The following NBAS variants were observed in gnomAD, a reference collection of about 807,000 sequenced individuals.
NBAS encodes NAG/BC035112 fusion.
In NBAS, 219 loss-of-function variants were observed where a neutral mutation model predicts 302.5. The observed-to-expected ratio is 0.72, with a 90% CI of 0.65 to 0.81. The LOEUF is 0.81. Among genes scored for constraint, NBAS ranks in the 30% least tolerant of loss-of-function variants. The probability of loss-of-function intolerance (pLI) is 0.00; values close to 1 mark genes in which losing one functional copy is unlikely to be tolerated. For synonymous variants in NBAS, 1,118 were observed against 1,021.6 expected (o/e 1.09, Z -1.80); for missense variants, 2,932 against 2,841.6 (o/e 1.03, Z -0.72).
the NBAS span, among the ~76,000 whole-genome samples, chr2:14,990,792 A>G: frequency 1.3e-5 from 2 of 152,190 alleles, no homozygotes; most frequent in South Asian, 2.1e-4. Context: ...AATACAACAT[A>G]TATACTGAGG....
At chr2:15,424,189 A>G (rs1380818028) in intron 23 of NBAS, 126 bp downstream of exon 23, 583 of 946,210 alleles carry the variant, frequency 6.2e-4, no homozygotes, top group Middle Eastern at 1.2e-3. Context: ...TAAATATTCA[A>G]TTCATCTCTT....
Position 15,308,226 on chromosome 2 carries a change from G to A in NBAS, c.4787C>T (p.Pro1596Leu). 1 of 1,614,192 alleles carries A rather than the reference G, an allele frequency of 6.2e-7. No individual in the cohort carries two copies. Among genetic ancestry groups the A allele is most frequent in the Non-Finnish European group, 8.5e-7 (1 of 1,180,030 alleles). Residue 1596 changes from proline to leucine, a missense_variant, in exon 40 of 52, where the codon CCT (proline) becomes CTT (leucine). Physicochemically the swap from Pro to Leu is moderately conservative, Grantham distance 98. Transcript: ENST00000281513. ...LAPCFRDKCH[P>L]LYRADPKELI... Reference sequence around the variant, plus strand: ...ATCATGAAGACTCACCCTGTAAAGAGGATGGCACTTGTCCCTGAAACATGG... The same window carrying A: ...ATCATGAAGACTCACCCTGTAAAGAAGATGGCACTTGTCCCTGAAACATGG...
intron 49 of NBAS, 29 bp downstream of exon 49, chr2:15,190,235 A>C: frequency 6.2e-7 from 1 of 1,612,764 alleles, no homozygotes; most frequent in Non-Finnish European, 8.5e-7. Context: ...AAAGAACTCT[A>C]ATTACGCTAA....
At chr2:15,271,823 A>G (rs1669338323) in intron 44 of NBAS, among the ~76,000 whole-genome samples, 1 of 152,176 alleles carries the variant, frequency 6.6e-6, no homozygotes, top group Non-Finnish European at 1.5e-5. Flanking sequence ...TTTCTAACCC[A>G]TTCACTTGTT....
intron 44 of NBAS, among the ~76,000 whole-genome samples, chr2:15,254,591 T>A (rs1668506061): frequency 6.6e-6 from 1 of 152,202 alleles, no homozygotes; most frequent in Admixed American, 6.5e-5. Flanking sequence ...CAGGTGGCGT[T>A]TGCATGGAAA....
At chr2:14,890,718 T>G in the NBAS span, 1 of 152,518 alleles carries the variant, frequency 6.6e-6, no homozygotes, top group Non-Finnish European at 1.5e-5. Context: ...CTCAGGAGAC[T>G]GAGGCAGAAG....
At chr2:15,096,142 AAAC>A in the NBAS span, among the ~76,000 whole-genome samples, 2 of 152,352 alleles carry the variant, frequency 1.3e-5, no homozygotes, top group East Asian at 1.9e-4. Context: ...CCTTTGTTTA[AAAC>A]AACAACAGCT....
At chr2:14,846,550 T>G in the NBAS span, among the ~76,000 whole-genome samples, 1 of 151,346 alleles carries the variant, frequency 6.6e-6, no homozygotes, top group South Asian at 2.1e-4. Context: ...AAACTGTAGC[T>G]GTGGTATGTA....
chr2:15,513,732 T>C (rs1662252866), intron 9 of NBAS, among the ~76,000 whole-genome samples: 1 of 151,674 alleles, frequency 6.6e-6, no homozygotes, highest in Admixed American at 6.6e-5. Context: ...CTCATGTCTG[T>C]AATCCCAAAA....
At chr2:15,109,939 C>G in the NBAS span, among the ~76,000 whole-genome samples, 1 of 152,022 alleles carries the variant, frequency 6.6e-6, no homozygotes, top group Admixed American at 6.6e-5. Context: ...TGTTTATTGT[C>G]CATTCTCAAA....
Position 15,186,840 on chromosome 2 carries a change from G to A in NBAS, c.6613C>T (p.Leu2205=). 1 of 1,613,950 alleles carries A rather than the reference G, an allele frequency of 6.2e-7. No homozygotes were observed. Among genetic ancestry groups the A allele is most frequent in the Non-Finnish European group, 8.5e-7 (1 of 1,179,946 alleles). ...TTGTTCTCCATCGTACATCTGGTTA[G>A]CATCACTGTAGCTAGTCTCACCCAT... The part of the protein sequence containing the change: ...NPWVRLATVM[L]TRCTMENKEG... Residue 2205 remains leucine (L), a synonymous_variant, in exon 50 of 52, where the codon CTA becomes TTA. Coordinates refer to ENST00000281513, the MANE Select transcript of NBAS (RefSeq NM_015909.4).
chr2:14,977,682 G>A, the NBAS span, among the ~76,000 whole-genome samples: 6 of 152,144 alleles, frequency 3.9e-5, no homozygotes, highest in African/African-American at 1.2e-4. Flanking sequence ...TCCAAGGTAT[G>A]GTGGCACCTG....
At chr2:14,788,031 T>C in the NBAS span, among the ~76,000 whole-genome samples, 1 of 152,160 alleles carries the variant, frequency 6.6e-6, no homozygotes, top group African/African-American at 2.4e-5. Flanking sequence ...CTTTTTATTC[T>C]TTTTTCTCTA....
chr2:15,365,530 T>G (rs982364350), intron 32 of NBAS, among the ~76,000 whole-genome samples: 3 of 152,208 alleles, frequency 2.0e-5, no homozygotes, highest in African/African-American at 4.8e-5. Flanking sequence ...GAGTTAGAAC[T>G]TGAACCAGTG....
the NBAS span, among the ~76,000 whole-genome samples, chr2:15,100,760 T>G: frequency 6.6e-6 from 1 of 152,162 alleles, no homozygotes; most frequent in Admixed American, 6.6e-5. Flanking sequence ...CTAAAGAAAT[T>G]CATGTATCGA....
At chr2:15,033,126 T>C in the NBAS span, among the ~76,000 whole-genome samples, 302 of 152,342 alleles carry the variant, frequency 2.0e-3, 1 homozygote, top group Middle Eastern at 0.014. Flanking sequence ...GCCACTCCAA[T>C]GGGCATAGCA....
chr2:15,230,999 A>G (rs115902518), intron 47 of NBAS, among the ~76,000 whole-genome samples: 5,680 of 151,108 alleles, frequency 0.038, 140 homozygotes, highest in Non-Finnish European at 0.056. Flanking sequence ...TGCCCTAACT[A>G]CTCCCTCCAC....
the NBAS span, among the ~76,000 whole-genome samples, chr2:14,933,726 G>C: frequency 6.6e-6 from 1 of 152,146 alleles, no homozygotes; most frequent in East Asian, 1.9e-4. Context: ...ATGATGATAC[G>C]TGAGCTGTTT....
At chr2:15,368,392 G>T (rs1402237590) in intron 31 of NBAS, among the ~76,000 whole-genome samples, 1 of 151,732 alleles carries the variant, frequency 6.6e-6, no homozygotes, top group African/African-American at 2.4e-5. Flanking sequence ...TAGCGACGGG[G>T]TTTCACCACA....
Sources: gnomAD v4.1 joint callset for allele counts (sites outside exome capture counted in the v4.1 genomes callset) on GRCh38, gnomAD v4.1.1 for gene constraint, MANE v1.5 for transcripts, NCBI Gene and HGNC (gene_info 2026-07-23, HGNC 2026-07-21) for gene names.